The following CAMTA1 variants were observed in gnomAD, a reference collection of about 807,000 sequenced individuals.
CAMTA1 encodes calmodulin binding transcription activator 1, also known as calmodulin-binding transcription activator 1.
A neutral mutation model predicts 170.9 loss-of-function variants in CAMTA1; 27 were observed. The ratio of observed to expected loss-of-function variants is 0.16; its 90% confidence interval spans 0.12 to 0.22. The LOEUF (loss-of-function observed/expected upper bound fraction) is 0.22. CAMTA1 is among the 10% of genes least tolerant of loss of function. CAMTA1 has a pLI of 1.00. For synonymous variants in CAMTA1, 833 were observed against 891.5 expected (o/e 0.93, Z 1.17); for missense variants, 1,619 against 2,217.2 (o/e 0.73, Z 5.42).
At chr1:7,394,695 G>C (rs1427149248) in intron 5 of CAMTA1, among the ~76,000 whole-genome samples, 1 of 151,704 alleles carries the variant, frequency 6.6e-6, no homozygotes, top group Non-Finnish European at 1.5e-5. Context: ...TTTTAAATTT[G>C]ATGTAATCCC....
At chr1:7,408,380 G>A (rs2090453677) in intron 5 of CAMTA1, among the ~76,000 whole-genome samples, 1 of 152,242 alleles carries the variant, frequency 6.6e-6, no homozygotes, top group Non-Finnish European at 1.5e-5. Flanking sequence ...CAGCGGGGCT[G>A]GTGGGGTCCC....
intron 4 of CAMTA1, among the ~76,000 whole-genome samples, chr1:7,153,739 G>A (rs1182908594): frequency 6.6e-6 from 1 of 152,168 alleles, no homozygotes; most frequent in Non-Finnish European, 1.5e-5. Context: ...CTGACATGAG[G>A]GCCACTGCAA....
chr1:7,083,724 A>G (rs1640342625), intron 3 of CAMTA1, among the ~76,000 whole-genome samples: 1 of 152,220 alleles, frequency 6.6e-6, no homozygotes, highest in African/African-American at 2.4e-5. Context: ...GATTCTGGGA[A>G]AACTTGCTTT....
In CAMTA1 at chr1:7,300,402, C is replaced by G. The variant is rs1221657993; in HGVS notation, c.438+50776C>G. ...TTTAGAAAATTGTATAGAGGCCAGG[C>G]GCAGTGGCTCACGCCTGTAATCCCC... On this transcript the variant is annotated intron_variant, in intron 5 of 22. Transcript: ENST00000303635. This position sits in a 1 kb window ranked among gnomAD's most constrained non-coding sequence, Gnocchi z 4.1. Among the ~76,000 whole-genome samples the G allele has an allele frequency of 6.6e-6, 1 of 152,178 alleles. No individual in the cohort carries two copies. Among genetic ancestry groups the G allele is most frequent in the East Asian group, 1.9e-4 (1 of 5,200 alleles).
At chr1:6,814,649 C>T (rs759889008) in intron 1 of CAMTA1, among the ~76,000 whole-genome samples, 3 of 152,094 alleles carry the variant, frequency 2.0e-5, no homozygotes, top group South Asian at 2.1e-4. Flanking sequence ...TATCTAGGCA[C>T]GATGCCTAGG....
intron 5 of CAMTA1, among the ~76,000 whole-genome samples, chr1:7,360,793 G>A (rs2085480142): frequency 1.3e-5 from 2 of 152,240 alleles, no homozygotes; most frequent in Non-Finnish European, 2.9e-5. Context: ...AGAACAAGAG[G>A]CCATCCCTCT....
At chr1:6,820,271 T>G (rs763358756) in intron 2 of CAMTA1, 21 bp downstream of exon 2, 1 of 1,613,668 alleles carries the variant, frequency 6.2e-7, no homozygotes, top group Non-Finnish European at 8.5e-7. Context: ...AAAAAGCTTT[T>G]GACTTACAGG....
At chr1:7,516,271 A>C (rs1412157829) in intron 6 of CAMTA1, among the ~76,000 whole-genome samples, 1 of 152,250 alleles carries the variant, frequency 6.6e-6, no homozygotes. Context: ...TAGATGCTTA[A>C]TTAGTGTGGG....
chr1:7,181,280 T>C (rs924434782), intron 4 of CAMTA1, among the ~76,000 whole-genome samples: 1 of 152,216 alleles, frequency 6.6e-6, no homozygotes, highest in African/African-American at 2.4e-5. Context: ...AAAGTCAGGA[T>C]GCTTGTTGAT....
intron 5 of CAMTA1, among the ~76,000 whole-genome samples, chr1:7,305,625 C>A (rs1437964411): frequency 6.6e-6 from 1 of 151,954 alleles, no homozygotes; most frequent in African/African-American, 2.4e-5. Flanking sequence ...ATTCATGTAC[C>A]AATTTGTTTA....
chr1:7,765,414 G>C (rs2097013470), intron 22 of CAMTA1, among the ~76,000 whole-genome samples: 1 of 152,154 alleles, frequency 6.6e-6, no homozygotes, highest in Admixed American at 6.5e-5. Context: ...TAAGTAATTT[G>C]CTGATGTGAA....
At chr1:7,012,163 C>T (rs966993342) in intron 3 of CAMTA1, among the ~76,000 whole-genome samples, 2 of 152,136 alleles carry the variant, frequency 1.3e-5, no homozygotes, top group African/African-American at 4.8e-5. Flanking sequence ...CATGTGGGCC[C>T]ATGATACTGC....
intron 3 of CAMTA1, among the ~76,000 whole-genome samples, chr1:6,885,166 A>G (rs1185252733): frequency 3.9e-5 from 6 of 152,208 alleles, no homozygotes; most frequent in Non-Finnish European, 8.8e-5. Context: ...TCACACAGAA[A>G]TCTTTATGAT....
rs550011019 is a variant in CAMTA1, at chr1:7,747,170, C to T, written c.4618-540C>T. Among the ~76,000 whole-genome samples, 46 of 152,272 alleles carry T rather than the reference C, an allele frequency of 3.0e-4. No individual in the cohort carries two copies. In the South Asian group the frequency reaches 4.3e-3, roughly 14 times the overall value. ...CAGTTAATATAAAGTAAGGTGACCC[C>T]TCTGCTGCTAGGAGGTCGTGACCTA... On this transcript the variant is annotated intron_variant, in intron 18 of 22. Coordinates refer to ENST00000303635, the MANE Select transcript of CAMTA1 (RefSeq NM_015215.4).
chr1:7,102,372 G>A (rs1642847317), intron 4 of CAMTA1, among the ~76,000 whole-genome samples: 5 of 152,124 alleles, frequency 3.3e-5, no homozygotes, highest in Non-Finnish European at 1.5e-5. Context: ...AGCATTGGTG[G>A]CTGGCGTTGT....
chr1:6,986,429 G>A (rs376962818), intron 3 of CAMTA1, among the ~76,000 whole-genome samples: 4 of 152,190 alleles, frequency 2.6e-5, no homozygotes, highest in East Asian at 1.9e-4. Context: ...GGGCTTTGCC[G>A]TCAGGATCCA....
chr1:7,246,921 G>A (rs911443359), intron 4 of CAMTA1, among the ~76,000 whole-genome samples: 1 of 152,078 alleles, frequency 6.6e-6, no homozygotes, highest in African/African-American at 2.4e-5. Context: ...ACCTGCCTCG[G>A]CCTCCCAAAG....
intron 6 of CAMTA1, among the ~76,000 whole-genome samples, chr1:7,510,054 C>T (rs1409525701): frequency 5.6e-5 from 8 of 143,000 alleles, no homozygotes; most frequent in African/African-American, 2.0e-4. Context: ...TCCAGGCCCC[C>T]TTTGTACAAG....
At chr1:6,941,995 G>A (rs997901161) in intron 3 of CAMTA1, among the ~76,000 whole-genome samples, 2 of 152,172 alleles carry the variant, frequency 1.3e-5, no homozygotes, top group African/African-American at 4.8e-5. Flanking sequence ...TCAGGGCTGC[G>A]CTGCTGTCCT....
Sources: gnomAD v4.1 joint callset for allele counts (sites outside exome capture counted in the v4.1 genomes callset) on GRCh38, gnomAD v4.1.1 for gene constraint, Gnocchi (gnomAD v3.1) non-coding constraint, MANE v1.5 for transcripts, NCBI Gene and HGNC (gene_info 2026-07-23, HGNC 2026-07-21) for gene names.